Variants in PITRM1 observed in about 807,000 individuals in gnomAD.
The protein encoded by PITRM1 is presequence protease, mitochondrial.
In PITRM1, 100 loss-of-function variants were observed where a neutral mutation model predicts 129.9. The observed-to-expected ratio is 0.77, with a 90% CI of 0.65 to 0.91. The LOEUF is 0.91. Among genes scored for constraint, PITRM1 ranks in the 40% least tolerant of loss-of-function variants. PITRM1 has a pLI of 0.00. For missense variants in PITRM1, 1,471 were observed against 1,318.3 expected (o/e 1.12, Z -1.79); for synonymous variants, 591 against 508.8 (o/e 1.16, Z -2.17).
chr10:3,140,583 T>G, intron 24 of PITRM1, 104 bp downstream of exon 24: 1 of 1,090,732 alleles, frequency 9.2e-7, no homozygotes. Context: ...CAGAACAACT[T>G]TTGTCTAAAA....
At chr10:3,144,591 C>T (rs2132374422) in intron 21 of PITRM1, among the ~76,000 whole-genome samples, 1 of 152,228 alleles carries the variant, frequency 6.6e-6, no homozygotes. Flanking sequence ...TTGCTTGGGT[C>T]CAGGAGTCTG....
chr10:3,149,891 C>G, intron 15 of PITRM1, 138 bp from the exon 16 acceptor site: 1 of 906,908 alleles, frequency 1.1e-6, no homozygotes, highest in South Asian at 1.6e-5. Context: ...ATAAATTTCC[C>G]AATCATATTT....
At chr10:3,149,848 GA>G in intron 15 of PITRM1, 95 bp from the exon 16 acceptor site, 1 of 1,343,180 alleles carries the variant, frequency 7.4e-7, no homozygotes, top group Non-Finnish European at 1.1e-6. Flanking sequence ...GTTTTTTCAA[GA>G]ATGGAGGTTT....
rs572476455 is a variant in PITRM1, at chr10:3,166,391, A to AGAGGAATGGCACGCTAGGGAAGGC, written c.267-12_267-11insGCCTTCCCTAGCGTGCCATTCCTC. ...GTACGGAACTGCACGCTAGGGAAGG[A>AGAGGAATGGCACGCTAGGGAAGGC]GAATGACCAGAACGCAAAAGGTTCA... On this transcript the variant is annotated splice_polypyrimidine_tract_variant and intron_variant, in intron 3 of 26. Coordinates refer to ENST00000224949, the MANE Select transcript of PITRM1 (RefSeq NM_014889.4). 874,630 of 1,280,388 alleles carry AGAGGAATGGCACGCTAGGGAAGGC rather than the reference A, an allele frequency of 0.68. 307,711 individuals carry two copies. Among genetic ancestry groups the AGAGGAATGGCACGCTAGGGAAGGC allele is most frequent in the Non-Finnish European group, 0.71 (637,030 of 899,094 alleles). The allele number at this position is 1,280,388 out of a possible 1,614,324, so 79.3% of individuals were successfully genotyped here.
intron 2 of PITRM1, among the ~76,000 whole-genome samples, chr10:3,169,470 C>G (rs1200207075): frequency 6.6e-6 from 1 of 152,224 alleles, no homozygotes; most frequent in Non-Finnish European, 1.5e-5. Flanking sequence ...AGCAGTCTTT[C>G]TAGACAGTAA....
intron 16 of PITRM1, chr10:3,148,989 T>C (rs4881114): frequency 0.7 from 106,395 of 152,154 alleles, 37,245 homozygotes; most frequent in East Asian, 0.74. Flanking sequence ...TTCTGCAGCA[T>C]GCAGACAACT....
chr10:3,169,514 G>A (rs1474039507), intron 2 of PITRM1, among the ~76,000 whole-genome samples: 1 of 152,238 alleles, frequency 6.6e-6, no homozygotes, highest in Admixed American at 6.5e-5. Context: ...ATAACATCAA[G>A]CATAGCACAA....
At chr10:3,143,660 T>C (rs1840512668) in intron 22 of PITRM1, 159 bp from the exon 23 acceptor site, 5 of 713,808 alleles carry the variant, frequency 7.0e-6, no homozygotes, top group African/African-American at 1.8e-5. Context: ...CGTGACACTC[T>C]GCAGCCAGGT....
chr10:3,141,615 T>C (rs1840205059), intron 23 of PITRM1: 1 of 465,856 alleles, frequency 2.1e-6, no homozygotes, highest in African/African-American at 2.0e-5. Context: ...CTAGAACACA[T>C]CCACCTCCGA....
chr10:3,151,053 G>A (rs913533373), intron 15 of PITRM1, 194 bp downstream of exon 15: 5 of 556,980 alleles, frequency 9.0e-6, no homozygotes, highest in African/African-American at 3.8e-5. Flanking sequence ...CTCTTACTGA[G>A]TGAAGGAGTC....
At position 3,169,895 on chromosome 10, in the gene PITRM1, C is replaced by T. The variant is rs376874145; in HGVS notation, c.159+209G>A. Among the ~76,000 whole-genome samples, 137 of 152,320 alleles carry T rather than the reference C, an allele frequency of 9.0e-4. 3 individuals are homozygous for T. In the South Asian group the frequency reaches 0.024, roughly 26 times the overall value. On this transcript the variant is annotated intron_variant, in intron 2 of 26. Coordinates refer to ENST00000224949, the MANE Select transcript of PITRM1 (RefSeq NM_014889.4). The stretch of plus-strand genomic sequence containing the variant: ...TCTCTAAAATCTCACAAGAACCAGG[C>T]TTTGCGGGATTCCAGGAAGGGACTG...
intron 23 of PITRM1, 186 bp downstream of exon 23, chr10:3,143,203 T>C: frequency 5.1e-6 from 3 of 593,678 alleles, no homozygotes; most frequent in South Asian, 4.0e-5. Flanking sequence ...GCTCTAAAAC[T>C]GGGTCTCTGT....
chr10:3,166,924 T>A lies in PITRM1; in HGVS notation c.266+12A>T, dbSNP rs754923030. On this transcript the variant is annotated intron_variant, in intron 3 of 26. Coordinates refer to ENST00000224949, the MANE Select transcript of PITRM1 (RefSeq NM_014889.4). ...AACATTCAAGACCATGTTCTTACAA[T>A]GCACCACACACCTGAACAGATTATT... 2 of 1,480,482 alleles carry A rather than the reference T, an allele frequency of 1.4e-6. No individual in the cohort carries two copies. The highest frequency in any genetic ancestry group is 2.8e-5 in the African/African-American group (2 of 71,874). The allele number at this position is 1,480,482 out of a possible 1,614,324, so 91.7% of individuals were successfully genotyped here.
chr10:3,138,035 T>C lies in PITRM1; in HGVS notation c.3110A>G (p.Gln1037Arg), dbSNP rs6901. Residue 1037 changes from glutamine to arginine, a missense_variant, in exon 27 of 27, where the codon CAA becomes CGA. Gln to Arg is a conservative substitution (Grantham distance 43). Transcript: ENST00000224949. ...KIAKDPSWIIQ is the reference protein window; with the variant it reads ...KIAKDPSWIIR ...GCAGTCGAGCGCCACGGCTGCTCAT[T>C]GGATGATCCAGGATGGGTCCTTGGC... 1,134,506 of 1,593,702 alleles carry C rather than the reference T, an allele frequency of 0.71. 404,664 individuals are homozygous for C. Among genetic ancestry groups the C allele is most frequent in the East Asian group, 0.75 (33,303 of 44,422 alleles).
intron 19 of PITRM1, 90 bp downstream of exon 19, chr10:3,147,482 G>T: frequency 7.2e-7 from 1 of 1,383,170 alleles, no homozygotes; most frequent in Non-Finnish European, 1.0e-6. Context: ...AGCATTTCTG[G>T]GACATAAATT....
Position 3,138,099 on chromosome 10 carries a change from G to A in PITRM1, c.3046C>T (p.His1016Tyr). Residue 1016 changes from histidine (H) to tyrosine (Y), a missense_variant, in exon 27 of 27, where the codon CAC becomes TAC. Coordinates refer to ENST00000224949, the MANE Select transcript of PITRM1 (RefSeq NM_014889.4). ...DRYLGTGKST[H>Y]GLAILGPENP... ...TCGGGTCCGAGGATGGCCAGGCCGT[G>A]TGTGCTCTTCCCAGTGCCGAGGTAT... is the stretch of plus-strand genomic sequence containing the variant. The A allele has an allele frequency of 1.2e-6, 2 of 1,610,580 alleles. No homozygotes were observed. The highest frequency in any genetic ancestry group is 1.7e-6 in the Non-Finnish European group (2 of 1,178,516).
chr10:3,170,728 G>A (rs1420487810), intron 1 of PITRM1, among the ~76,000 whole-genome samples: 2 of 152,210 alleles, frequency 1.3e-5, no homozygotes, highest in Non-Finnish European at 2.9e-5. Flanking sequence ...GGGCGTGGTG[G>A]CTTACGTCTG....
At position 3,166,216 on chromosome 10, in the gene PITRM1, A is replaced by G; in HGVS notation, c.418+13T>C. On this transcript the variant is annotated intron_variant, in intron 4 of 26. Transcript: ENST00000224949. ...AACCCAAAAGCAGTTTCTGTTCAGG[A>G]TGCTGGTCTTACCTGTGAAGGCGTT... 6.3e-7 allele frequency: 1 copy of G among 1,597,944 alleles called. No homozygotes were observed. Among genetic ancestry groups the G allele is most frequent in the Non-Finnish European group, 8.5e-7 (1 of 1,172,580 alleles).
At chr10:3,172,474 G>A (rs1326468882) in intron 1 of PITRM1, among the ~76,000 whole-genome samples, 12 of 152,142 alleles carry the variant, frequency 7.9e-5, no homozygotes, top group Admixed American at 7.9e-4. Flanking sequence ...CGGGAGCGCC[G>A]CGGGCAGGCC....
Sources: allele counts gnomAD v4.1 joint callset (sites outside exome capture counted in the v4.1 genomes callset), GRCh38; gene constraint gnomAD v4.1.1; transcripts MANE v1.5; gene names NCBI Gene and HGNC (gene_info 2026-07-23, HGNC 2026-07-21).